ALCAM: variants seen among roughly 807,000 people sequenced by gnomAD.
ALCAM encodes CD166 antigen.
ALCAM carries 30 observed loss-of-function variants against 70.9 expected under a neutral mutation model. That is an observed-to-expected ratio of 0.42 (90% CI 0.32 to 0.57). The LOEUF is 0.57. Ranked by LOEUF, ALCAM falls within the 20% of genes least tolerant of loss-of-function variation. The pLI is 0.11. For missense variants in ALCAM, 591 were observed against 695.1 expected (o/e 0.85, Z 1.68); for synonymous variants, 249 against 242.5 (o/e 1.03, Z -0.25).
chr3:105,544,639 T>C (rs915291043), intron 8 of ALCAM: 1 of 156,730 alleles, frequency 6.4e-6, no homozygotes, highest in African/African-American at 2.4e-5. Context: ...ACTTGTTCAG[T>C]TGAGTTGGAA....
At chr3:105,401,820 C>T (rs914753090) in intron 1 of ALCAM, among the ~76,000 whole-genome samples, 4 of 151,784 alleles carry the variant, frequency 2.6e-5, no homozygotes, top group Non-Finnish European at 5.9e-5. Context: ...GGTTTTCAAC[C>T]CTGACTGCAC....
At chr3:105,389,539 A>G (rs1334249070) in intron 1 of ALCAM, among the ~76,000 whole-genome samples, 1 of 151,372 alleles carries the variant, frequency 6.6e-6, no homozygotes, top group Non-Finnish European at 1.5e-5. Flanking sequence ...TTATTTTAAA[A>G]TAAACTACTA....
chr3:105,427,302 G>A (rs1936814658), intron 1 of ALCAM, among the ~76,000 whole-genome samples: 1 of 151,932 alleles, frequency 6.6e-6, no homozygotes, highest in South Asian at 2.1e-4. Flanking sequence ...ACAAGCTGCA[G>A]TTGCCCCTAC....
intron 3 of ALCAM, among the ~76,000 whole-genome samples, chr3:105,531,590 G>GT (rs1422737433): frequency 6.6e-6 from 1 of 151,794 alleles, no homozygotes; most frequent in Non-Finnish European, 1.5e-5. Flanking sequence ...TTTTAAACAA[G>GT]TATCTTTGTG....
At chr3:105,399,963 C>G (rs1936048654) in intron 1 of ALCAM, among the ~76,000 whole-genome samples, 1 of 152,150 alleles carries the variant, frequency 6.6e-6, no homozygotes, top group South Asian at 2.1e-4. Flanking sequence ...CCTAAATTTC[C>G]TTACCCCATC....
At chr3:105,428,760 T>A (rs562755379) in intron 1 of ALCAM, among the ~76,000 whole-genome samples, 87 of 152,034 alleles carry the variant, frequency 5.7e-4, no homozygotes, top group Admixed American at 2.2e-3. Context: ...CTGAAGTAAA[T>A]AAATTGAAAA....
intron 2 of ALCAM, 100 bp downstream of exon 2, chr3:105,520,267 T>C: frequency 2.4e-6 from 2 of 823,336 alleles, no homozygotes; most frequent in African/African-American, 1.7e-5. Context: ...CTAAATGCAA[T>C]ATTAAACTGT....
chr3:105,403,536 G>C (rs1005104681), intron 1 of ALCAM, among the ~76,000 whole-genome samples: 1 of 152,096 alleles, frequency 6.6e-6, no homozygotes, highest in Admixed American at 6.5e-5. Flanking sequence ...AGAAGGGGGA[G>C]AACACCACAT....
intron 1 of ALCAM, among the ~76,000 whole-genome samples, chr3:105,487,342 C>T (rs1288051351): frequency 6.6e-6 from 1 of 152,034 alleles, no homozygotes; most frequent in Non-Finnish European, 1.5e-5. Context: ...TCTGTGATTC[C>T]TGCCCTTGGC....
intron 1 of ALCAM, among the ~76,000 whole-genome samples, chr3:105,436,643 T>C (rs753678879): frequency 8.5e-5 from 13 of 152,220 alleles, no homozygotes; most frequent in Non-Finnish European, 1.6e-4. Context: ...TTAATAGTTC[T>C]AGCAAAAGTT....
chr3:105,550,197 C>T lies in ALCAM; in HGVS notation c.1445C>T (p.Thr482Ile), dbSNP rs375049277. ...ATCATTTCCCCTGAAGAGAATGTTA[C>T]ATTAACTTGCACAGCAGAAAACCAA... is the stretch of plus-strand genomic sequence containing the variant. Reference protein sequence around the residue: ...KIIISPEENVTLTCTAENQLE... With the variant: ...KIIISPEENVILTCTAENQLE... Residue 482 changes from threonine to isoleucine, a missense_variant, in exon 12 of 16, where the codon ACA becomes ATA. Transcript: ENST00000306107. The T allele has an allele frequency of 6.2e-7, 1 of 1,605,976 alleles. No individual in the cohort carries two copies. The highest frequency in any genetic ancestry group is 8.5e-7 in the Non-Finnish European group (1 of 1,174,238).
Position 105,541,614 on chromosome 3 carries a change from AT to A in ALCAM, c.859-15del, listed in dbSNP as rs1372343642. On this transcript the variant is annotated intron_variant, in intron 7 of 15. Transcript: ENST00000306107. ...TAGCGACCAAGTATAATCATCTGAC[AT>A]TTTGCCTCTATCAAAAGGGACAGCC... is the stretch of plus-strand genomic sequence containing the variant. 6.2e-7 allele frequency: 1 copy of A among 1,610,168 alleles called. No homozygotes were observed. The highest frequency in any genetic ancestry group is 2.2e-5 in the East Asian group (1 of 44,760).
chr3:105,555,615 T>C (rs893743686), intron 14 of ALCAM, among the ~76,000 whole-genome samples: 1 of 151,986 alleles, frequency 6.6e-6, no homozygotes, highest in African/African-American at 2.4e-5. Flanking sequence ...TTAAAAGTCA[T>C]TGGAGAAAGA....
At chr3:105,491,806 GC>G (rs1162823109) in intron 1 of ALCAM, among the ~76,000 whole-genome samples, 1 of 152,176 alleles carries the variant, frequency 6.6e-6, no homozygotes, top group East Asian at 1.9e-4. Context: ...TTTGGTCAAA[GC>G]TATTCAACAA....
intron 14 of ALCAM, among the ~76,000 whole-genome samples, chr3:105,567,718 A>G (rs564271100): frequency 6.6e-6 from 1 of 152,302 alleles, no homozygotes; most frequent in Admixed American, 6.5e-5. Flanking sequence ...TGAGTATTAT[A>G]TAATTGACTT....
chr3:105,559,618 G>A lies in ALCAM; in HGVS notation c.1664+7033G>A, dbSNP rs530611662. On this transcript the variant is annotated intron_variant, in intron 14 of 15. Coordinates refer to ENST00000306107, the MANE Select transcript of ALCAM (RefSeq NM_001627.4). Reference sequence around the variant, plus strand: ...TGATGGTCATATCATCTATTTCAGGGGGACACAAACATTCAGTATATAGCA... The same window carrying A: ...TGATGGTCATATCATCTATTTCAGGAGGACACAAACATTCAGTATATAGCA... Among the ~76,000 whole-genome samples, 21 of 151,990 alleles carry A rather than the reference G, an allele frequency of 1.4e-4. No homozygotes were observed. In the South Asian group the frequency reaches 4.4e-3, roughly 32 times the overall value.
intron 1 of ALCAM, among the ~76,000 whole-genome samples, chr3:105,462,755 A>G (rs942367587): frequency 6.6e-6 from 1 of 151,382 alleles, no homozygotes; most frequent in African/African-American, 2.4e-5. Flanking sequence ...GTTGAAAGCC[A>G]TGCCAAAGAG....
At chr3:105,564,371 T>C (rs745749935) in intron 14 of ALCAM, among the ~76,000 whole-genome samples, 41 of 152,334 alleles carry the variant, frequency 2.7e-4, no homozygotes, top group Non-Finnish European at 5.0e-4. Context: ...TTTTATGCTC[T>C]GCAGTCTATT....
intron 1 of ALCAM, among the ~76,000 whole-genome samples, chr3:105,385,271 C>T (rs1935622252): frequency 6.6e-6 from 1 of 151,364 alleles, no homozygotes; most frequent in Non-Finnish European, 1.5e-5. Flanking sequence ...ATTGAAAAGC[C>T]AAGTTTTATA....
Sources: allele counts gnomAD v4.1 joint callset (sites outside exome capture counted in the v4.1 genomes callset), GRCh38; gene constraint gnomAD v4.1.1; transcripts MANE v1.5; gene names NCBI Gene and HGNC (gene_info 2026-07-23, HGNC 2026-07-21).